The following LRFN2 variants were observed in gnomAD, a reference collection of about 807,000 sequenced individuals.
LRFN2 encodes leucine-rich repeat and fibronectin type-III domain-containing protein 2.
Under a neutral mutation model 37.3 loss-of-function variants are expected in LRFN2, and 18 were observed. The observed-to-expected ratio is 0.48, with a 90% CI of 0.33 to 0.72. The LOEUF (loss-of-function observed/expected upper bound fraction) is 0.72. LRFN2 is among the 30% of genes least tolerant of loss of function. The probability of loss-of-function intolerance (pLI) is 0.02; values close to 1 mark genes in which losing one functional copy is unlikely to be tolerated. For missense variants in LRFN2, 1,006 were observed against 1,060.7 expected (o/e 0.95, Z 0.72); for synonymous variants, 556 against 466.6 (o/e 1.19, Z -2.47).
Position 40,407,060 on chromosome 6 carries a change from A to G in LRFN2, c.1401-14148T>C, listed in dbSNP as rs1581682025. ...GTCACACTGAGCAGACTGTCAATGGAGAGGCCCTGTGCTTTCCCAGGACTG... is the reference window on the plus strand; with the variant it reads ...GTCACACTGAGCAGACTGTCAATGGGGAGGCCCTGTGCTTTCCCAGGACTG... On this transcript the variant is annotated intron_variant, in intron 2 of 2. Coordinates refer to ENST00000338305, the MANE Select transcript of LRFN2 (RefSeq NM_020737.3). Among the ~76,000 whole-genome samples, 7 of 152,278 alleles carry G rather than the reference A, an allele frequency of 4.6e-5. No individual in the cohort carries two copies. In the South Asian group the frequency reaches 1.2e-3, roughly 27 times the overall value.
chr6:40,408,348 T>C (rs1230791746), intron 2 of LRFN2, among the ~76,000 whole-genome samples: 1 of 152,214 alleles, frequency 6.6e-6, no homozygotes, highest in Non-Finnish European at 1.5e-5. Context: ...GATGAACATA[T>C]GGGTGGCAGT....
chr6:40,572,556 T>A (rs1767207905), intron 1 of LRFN2, among the ~76,000 whole-genome samples: 2 of 152,320 alleles, frequency 1.3e-5, no homozygotes, highest in East Asian at 3.9e-4. Context: ...AAGGGGCCAA[T>A]AAAGCACCAC....
At chr6:40,408,806 C>A (rs569456702) in intron 2 of LRFN2, among the ~76,000 whole-genome samples, 73 of 152,296 alleles carry the variant, frequency 4.8e-4, no homozygotes, top group African/African-American at 1.7e-3. Flanking sequence ...ATGGTGAAGT[C>A]AACAGTAACA....
In LRFN2 at chr6:40,495,221, A is replaced by C. The variant is rs533999602; in HGVS notation, c.-18-62090T>G. Among the ~76,000 whole-genome samples the C allele has an allele frequency of 2.0e-5, 3 of 152,300 alleles. No homozygotes were observed. The South Asian group carries it at 6.2e-4, about 32-fold the overall frequency. On this transcript the variant is annotated intron_variant, in intron 1 of 2. Transcript: ENST00000338305. Reference sequence around the variant, plus strand: ...AGACAACAGCTTTGATACACACTTCACAGAGAAGTCAATGAAATCAGAGAC... The same window carrying C: ...AGACAACAGCTTTGATACACACTTCCCAGAGAAGTCAATGAAATCAGAGAC...
At chr6:40,441,495 G>C (rs1159020420) in intron 1 of LRFN2, among the ~76,000 whole-genome samples, 1 of 152,172 alleles carries the variant, frequency 6.6e-6, no homozygotes, top group Non-Finnish European at 1.5e-5. Flanking sequence ...GCCTGGATGT[G>C]AGTGAGTCTG....
intron 1 of LRFN2, among the ~76,000 whole-genome samples, chr6:40,456,435 A>G (rs1052460594): frequency 1.3e-5 from 2 of 152,214 alleles, no homozygotes; most frequent in Non-Finnish European, 2.9e-5. Context: ...TGTCGATGAC[A>G]TGTGTTTCCT....
intron 2 of LRFN2, among the ~76,000 whole-genome samples, chr6:40,430,655 C>T (rs1230689329): frequency 2.6e-5 from 4 of 152,192 alleles, no homozygotes; most frequent in African/African-American, 9.7e-5. Context: ...TGCAGCTTTC[C>T]ACATTTAACC....
intron 1 of LRFN2, among the ~76,000 whole-genome samples, chr6:40,435,441 T>C (rs1581703681): frequency 6.6e-6 from 1 of 152,324 alleles, no homozygotes; most frequent in South Asian, 2.1e-4. Flanking sequence ...TTTACAGGCA[T>C]GAGCCACCTC....
At chr6:40,576,939 C>T (rs576706457) in intron 1 of LRFN2, among the ~76,000 whole-genome samples, 1 of 152,120 alleles carries the variant, frequency 6.6e-6, no homozygotes, top group Non-Finnish European at 1.5e-5. Flanking sequence ...ACCCTAGATA[C>T]TGACCCATGC....
chr6:40,522,555 TG>T (rs767135463), intron 1 of LRFN2, among the ~76,000 whole-genome samples: 1 of 152,170 alleles, frequency 6.6e-6, no homozygotes. Flanking sequence ...CCTCATCTCC[TG>T]CCCCTAACAA....
At chr6:40,578,015 T>C (rs1767328221) in intron 1 of LRFN2, among the ~76,000 whole-genome samples, 1 of 151,870 alleles carries the variant, frequency 6.6e-6, no homozygotes, top group Non-Finnish European at 1.5e-5. Flanking sequence ...GCCCCCTGAG[T>C]GCTCCCAGCA....
At chr6:40,394,332 G>T (rs1762572174) in intron 2 of LRFN2, among the ~76,000 whole-genome samples, 1 of 152,058 alleles carries the variant, frequency 6.6e-6, no homozygotes, top group African/African-American at 2.4e-5. Context: ...AGGCCTGAAG[G>T]TACCACTGTG....
At chr6:40,430,616 T>C (rs1475404240) in intron 2 of LRFN2, among the ~76,000 whole-genome samples, 1 of 152,274 alleles carries the variant, frequency 6.6e-6, no homozygotes, top group Non-Finnish European at 1.5e-5. Context: ...TGTGACCTTC[T>C]TTCCTCTGAA....
At chr6:40,509,348 CT>C (rs1326593024) in intron 1 of LRFN2, among the ~76,000 whole-genome samples, 1 of 152,280 alleles carries the variant, frequency 6.6e-6, no homozygotes, top group Non-Finnish European at 1.5e-5. Context: ...ACCTTTCACA[CT>C]CAGTAGTTCT....
chr6:40,399,153 T>C (rs1287679903), intron 2 of LRFN2, among the ~76,000 whole-genome samples: 2 of 151,810 alleles, frequency 1.3e-5, no homozygotes, highest in Non-Finnish European at 2.9e-5. Context: ...GTGAATCTCC[T>C]CTGTGATTCC....
At chr6:40,468,492 G>T (rs1764522648) in intron 1 of LRFN2, among the ~76,000 whole-genome samples, 1 of 152,128 alleles carries the variant, frequency 6.6e-6, no homozygotes, top group South Asian at 2.1e-4. Flanking sequence ...TCAGATGTAG[G>T]TCACAGCCAA....
At chr6:40,531,380 A>C (rs1581781193) in intron 1 of LRFN2, among the ~76,000 whole-genome samples, 1 of 152,200 alleles carries the variant, frequency 6.6e-6, no homozygotes, top group East Asian at 1.9e-4. Context: ...CTGAGTCTCC[A>C]GTCCAGGCTA....
At chr6:40,438,077 T>C (rs572256850) in intron 1 of LRFN2, among the ~76,000 whole-genome samples, 2 of 152,280 alleles carry the variant, frequency 1.3e-5, no homozygotes, top group South Asian at 4.1e-4. Flanking sequence ...TCAGCCTTCA[T>C]AGGAGGAATC....
intron 1 of LRFN2, among the ~76,000 whole-genome samples, chr6:40,568,086 CTT>C (rs1476146387): frequency 1.3e-5 from 2 of 152,164 alleles, no homozygotes; most frequent in East Asian, 1.9e-4. Context: ...CTCTCTCTCT[CTT>C]ATAAACTGGG....
Sources: gnomAD v4.1 joint callset for allele counts (sites outside exome capture counted in the v4.1 genomes callset) on GRCh38, gnomAD v4.1.1 for gene constraint, MANE v1.5 for transcripts, NCBI Gene and HGNC (gene_info 2026-07-23, HGNC 2026-07-21) for gene names.